Variants in SLC25A18 observed in about 807,000 individuals in gnomAD.
SLC25A18 encodes the protein solute carrier family 25 member 18.
In SLC25A18, 24 loss-of-function variants were observed where a neutral mutation model predicts 31.1. The ratio of observed to expected loss-of-function variants is 0.77; its 90% CI spans 0.56 to 1.08. The LOEUF (loss-of-function observed/expected upper bound fraction) is 1.08. Among genes scored for constraint, SLC25A18 ranks in the 50% least tolerant of loss-of-function variants. SLC25A18 has a pLI of 0.00. For missense variants in SLC25A18, 371 were observed against 418.5 expected (o/e 0.89, Z 0.99); for synonymous variants, 173 against 161.9 (o/e 1.07, Z -0.52).
At chr22:17,582,768 G>A (rs1445207713) in intron 6 of SLC25A18, 115 bp downstream of exon 6, 4 of 877,426 alleles carry the variant, frequency 4.6e-6, no homozygotes, top group Non-Finnish European at 7.1e-6. Flanking sequence ...ATAAATATGT[G>A]CACACATGGC....
chr22:17,582,708 T>A (rs886182998), intron 6 of SLC25A18, 55 bp downstream of exon 6: 1 of 1,469,556 alleles, frequency 6.8e-7, no homozygotes, highest in Admixed American at 1.9e-5. Context: ...TTGGGAGAGA[T>A]GGCAGGAAGA....
At position 17,580,766 on chromosome 22, in the gene SLC25A18, G is replaced by A. The variant is rs868223048; in HGVS notation, c.21-271G>A. ...TGGGGCAGAGCGGTGCCCTGGTGGC[G>A]GCCCATGGGGGCAGAGCTGGGCTCC... On this transcript the variant is annotated intron_variant, in intron 3 of 10. Coordinates refer to ENST00000327451, the MANE Select transcript of SLC25A18 (RefSeq NM_031481.3). The A allele has an allele frequency of 3.1e-5, 37 of 1,206,628 alleles. No individual in the cohort carries two copies. In the Middle Eastern group the frequency reaches 1.0e-3, roughly 33 times the overall value. 74.7% of individuals were successfully genotyped at this position (1,206,628 alleles called of 1,614,324 possible).
intron 1 of SLC25A18, 23 bp downstream of exon 1, chr22:17,563,736 C>T: frequency 1.0e-6 from 1 of 985,154 alleles, no homozygotes; most frequent in Non-Finnish European, 1.2e-6. Flanking sequence ...TAAATACCCA[C>T]CGTGAGCCTT....
At chr22:17,571,153 A>G (rs2057077397) in intron 2 of SLC25A18, among the ~76,000 whole-genome samples, 2 of 152,194 alleles carry the variant, frequency 1.3e-5, no homozygotes, top group Admixed American at 1.3e-4. Flanking sequence ...AGCCGTGGGA[A>G]GGCAGCCCCC....
chr22:17,571,763 A>G (rs1021651950), intron 2 of SLC25A18, among the ~76,000 whole-genome samples: 5 of 151,216 alleles, frequency 3.3e-5, no homozygotes, highest in African/African-American at 1.2e-4. Flanking sequence ...AAAAAGAAAA[A>G]AAAAAAAAAA....
intron 1 of SLC25A18, among the ~76,000 whole-genome samples, chr22:17,565,703 A>C (rs889114090): frequency 6.6e-6 from 1 of 152,070 alleles, no homozygotes; most frequent in Non-Finnish European, 1.5e-5. Flanking sequence ...CCCCGTCTCT[A>C]CTAAAAACAC....
At chr22:17,580,729 G>A (rs1012645498) in intron 3 of SLC25A18, 12 of 1,131,036 alleles carry the variant, frequency 1.1e-5, no homozygotes, top group Non-Finnish European at 1.3e-5. Context: ...CAGAGGACGG[G>A]CCGGGGAAGC....
intron 2 of SLC25A18, among the ~76,000 whole-genome samples, chr22:17,574,464 C>A (rs953823192): frequency 6.6e-5 from 10 of 152,148 alleles, no homozygotes; most frequent in African/African-American, 2.4e-4. Context: ...AAGCCCACAT[C>A]CAGGGTCTGC....
chr22:17,579,913 C>T lies in SLC25A18; in HGVS notation c.-32C>T. ...AGCGGCTACCCCAAGGAGCCAGCAG[C>T]CTTGTGTCCTGGGATCCCCAGCCCC... On this transcript the variant is annotated 5_prime_UTR_variant, in exon 3 of 11. Transcript: ENST00000327451. 2 of 1,605,974 alleles carry T rather than the reference C, an allele frequency of 1.2e-6. No individual in the cohort carries two copies. Among genetic ancestry groups the T allele is most frequent in the Middle Eastern group, 1.7e-4 (1 of 6,046 alleles).
At chr22:17,587,528 A>C (rs372277306) in intron 8 of SLC25A18, among the ~76,000 whole-genome samples, 1 of 152,198 alleles carries the variant, frequency 6.6e-6, no homozygotes, top group African/African-American at 2.4e-5. Context: ...CCAGGCCCAC[A>C]GGAAGGCTGG....
chr22:17,567,526 T>A (rs1439214773), intron 1 of SLC25A18, among the ~76,000 whole-genome samples: 2 of 151,406 alleles, frequency 1.3e-5, no homozygotes, highest in Non-Finnish European at 2.9e-5. Context: ...AAGTATCCAG[T>A]GCTGATTCTT....
At chr22:17,581,564 A>AC in intron 5 of SLC25A18, 151 bp downstream of exon 5, 1 of 820,442 alleles carries the variant, frequency 1.2e-6, no homozygotes, top group Admixed American at 2.6e-5. Context: ...GTGGAGACAG[A>AC]GGCAGCTCTG....
At chr22:17,568,079 A>G (rs1208458215) in intron 1 of SLC25A18, among the ~76,000 whole-genome samples, 1 of 151,972 alleles carries the variant, frequency 6.6e-6, no homozygotes, top group Admixed American at 6.6e-5. Context: ...GGCAGAGGAG[A>G]ATAGGCCAGG....
At chr22:17,574,477 G>A (rs985173213) in intron 2 of SLC25A18, among the ~76,000 whole-genome samples, 3 of 151,104 alleles carry the variant, frequency 2.0e-5, no homozygotes, top group South Asian at 2.1e-4. Context: ...GGGTCTGCAC[G>A]CCCCACCTTC....
intron 4 of SLC25A18, 59 bp downstream of exon 4, chr22:17,581,218 C>A: frequency 6.4e-7 from 1 of 1,568,698 alleles, no homozygotes; most frequent in Non-Finnish European, 8.7e-7. Context: ...ATGGGGCCCC[C>A]TTCCCTCCAG....
At chr22:17,590,067 C>T (rs775282086) in intron 10 of SLC25A18, 28 bp from the exon 11 acceptor site, 6 of 1,612,846 alleles carry the variant, frequency 3.7e-6, no homozygotes, top group Non-Finnish European at 4.2e-6. Context: ...CCCTGCCCAT[C>T]AGCTCACTGG....
At chr22:17,587,834 C>A in intron 8 of SLC25A18, 91 bp from the exon 9 acceptor site, 1 of 1,537,622 alleles carries the variant, frequency 6.5e-7, no homozygotes, top group Non-Finnish European at 8.9e-7. Flanking sequence ...TCACTGTAAG[C>A]CCCACAGCTC....
intron 2 of SLC25A18, among the ~76,000 whole-genome samples, chr22:17,574,273 A>G (rs890023074): frequency 1.3e-5 from 2 of 152,362 alleles, no homozygotes; most frequent in Non-Finnish European, 1.5e-5. Context: ...TACTGCCTAC[A>G]GGATCACATT....
At position 17,581,393 on chromosome 22, in the gene SLC25A18, G is replaced by C; in HGVS notation, c.179G>C (p.Gly60Ala). ...DCLMKTARAE[G>A]FFGMYRGAAV... Reference sequence around the variant, plus strand: ...CTGATGAAGACGGCTCGGGCGGAGGGCTTCTTCGGCATGTACCGAGGTGGG... The same window carrying C: ...CTGATGAAGACGGCTCGGGCGGAGGCCTTCTTCGGCATGTACCGAGGTGGG... Residue 60 changes from glycine to alanine, a missense_variant, in exon 5 of 11, where the codon GGC (glycine) becomes GCC (alanine). Gly to Ala is a moderately conservative substitution (Grantham distance 60). Transcript: ENST00000327451. 1 of 1,614,114 alleles carries C rather than the reference G, an allele frequency of 6.2e-7. No individual in the cohort carries two copies.
Sources: gnomAD v4.1 joint callset for allele counts (sites outside exome capture counted in the v4.1 genomes callset) on GRCh38, gnomAD v4.1.1 for gene constraint, MANE v1.5 for transcripts, NCBI Gene and HGNC (gene_info 2026-07-23, HGNC 2026-07-21) for gene names.